The following NELFB variants were observed in gnomAD, a reference collection of about 807,000 sequenced individuals.
NELFB encodes the protein negative elongation factor complex member B.
In NELFB, 34 loss-of-function variants were observed where a neutral mutation model predicts 60.2. The observed-to-expected ratio is 0.56, with a 90% CI of 0.43 to 0.75. The LOEUF is 0.75. Among genes scored for constraint, NELFB ranks in the 30% least tolerant of loss-of-function variants. NELFB has a pLI of 0.00. For missense variants in NELFB, 770 were observed against 831.6 expected (o/e 0.93, Z 0.91); for synonymous variants, 459 against 382.1 (o/e 1.20, Z -2.35).
At chr9:137,260,451 TG>T (rs1830422822) in intron 4 of NELFB, among the ~76,000 whole-genome samples, 4 of 121,704 alleles carry the variant, frequency 3.3e-5, no homozygotes, top group South Asian at 2.9e-4. Flanking sequence ...TATTTTAGTT[TG>T]TTTTATTTTT....
rs375628909 is a variant in NELFB at position 137,257,397 on chromosome 9, C to T, written c.741+343C>T. On this transcript the variant is annotated intron_variant, in intron 4 of 12. Coordinates refer to ENST00000343053, the MANE Select transcript of NELFB (RefSeq NM_015456.5). ...AGGCTGGAGTGCAGTGGTGTGATCT[C>T]GGCTCACTGCAAGCTCCCGGGTTCA... Among the ~76,000 whole-genome samples, 12 of 152,114 alleles carry T rather than the reference C, an allele frequency of 7.9e-5. No homozygotes were observed. The East Asian group carries it at 1.7e-3, about 22-fold the overall frequency.
rs1830609164 is a variant in NELFB, at chr9:137,273,366, G to C, written c.*438G>C. 1 of 162,496 alleles carries C rather than the reference G, an allele frequency of 6.2e-6. No individual in the cohort carries two copies. The highest frequency in any genetic ancestry group is 2.4e-5 in the African/African-American group (1 of 41,716). 10.1% of individuals were successfully genotyped at this position (162,496 alleles called of 1,614,324 possible). On this transcript the variant is annotated 3_prime_UTR_variant, in exon 13 of 13. Transcript: ENST00000343053. ...CCGTGTGGGGGCAGCAGCCTGGCCT[G>C]TGCCATGGTGGGTGTCCTGGGGCCT...
At chr9:137,267,383 C>G in intron 10 of NELFB, 37 bp downstream of exon 10, 3 of 1,552,308 alleles carry the variant, frequency 1.9e-6, no homozygotes, top group Non-Finnish European at 2.6e-6. Flanking sequence ...TGTGTCTTCC[C>G]TGCGGCAGCT....
At chr9:137,263,287 T>G in intron 5 of NELFB, 65 bp downstream of exon 5, 1 of 1,407,574 alleles carries the variant, frequency 7.1e-7, no homozygotes, top group South Asian at 1.3e-5. Flanking sequence ...CCTCCCTCCT[T>G]CCCTCCCACT....
rs753890137 is a variant in NELFB at position 137,263,125 on chromosome 9, C to T, written c.830C>T (p.Thr277Met). ...TTTCTGCGCACGCTCTTCCTGCGCA[C>T]GCGGAATGTGCACTACTGCACGCTG... The change falls in exon 5 of 13, where the codon ACG becomes ATG. Residue 277 changes from threonine (T) to methionine (M), a missense_variant. Transcript: ENST00000343053. 1.2e-5 allele frequency: 20 copies of T among 1,613,946 alleles called. No individual in the cohort carries two copies. Among genetic ancestry groups the T allele is most frequent in the East Asian group, 2.2e-5 (1 of 44,898 alleles).
intron 5 of NELFB, among the ~76,000 whole-genome samples, 180 bp downstream of exon 5, chr9:137,263,402 C>G (rs1205744454): frequency 2.6e-5 from 3 of 114,016 alleles, no homozygotes; most frequent in Non-Finnish European, 3.7e-5. Context: ...CCCTCCTCCC[C>G]CTCCGCCCTC....
Position 137,272,899 on chromosome 9 carries a change from C to T in NELFB, c.1858C>T (p.Pro620Ser). The change falls in exon 13 of 13, where the codon CCC becomes TCC. Residue 620 changes from proline (P) to serine (S), a missense_variant. Physicochemically the swap from Pro to Ser is moderately conservative, Grantham distance 74. Transcript: ENST00000343053. ...GACGCCGGCCCTGGAGCTGCCCCTC[C>T]CCAGCGTGCCCGCCCCTGCCCCGCT... 6.5e-7 allele frequency: 1 copy of T among 1,543,480 alleles called. No homozygotes were observed. The highest frequency in any genetic ancestry group is 2.5e-5 in the East Asian group (1 of 40,806).
chr9:137,257,447 C>T (rs1440716151), intron 4 of NELFB, among the ~76,000 whole-genome samples: 1 of 151,714 alleles, frequency 6.6e-6, no homozygotes, highest in Non-Finnish European at 1.5e-5. Flanking sequence ...CTCAGTCTCC[C>T]GAGTAGCTGG....
chr9:137,261,339 CAAA>C (rs749817003), intron 4 of NELFB, among the ~76,000 whole-genome samples: 10 of 65,634 alleles, frequency 1.5e-4, no homozygotes, highest in Admixed American at 3.3e-4. Context: ...GACTCGGTTT[CAAA>C]AAAAAAAAAA....
Position 137,265,031 on chromosome 9 carries a change from CT to C in NELFB, c.1040+697del, listed in dbSNP as rs60479210. Among the ~76,000 whole-genome samples, 555 of 126,142 alleles carry C rather than the reference CT, an allele frequency of 4.4e-3. 3 individuals carry two copies. Among genetic ancestry groups the C allele is most frequent in the East Asian group, 0.022 (80 of 3,686 alleles). The allele number at this position is 126,142 out of a possible 152,430, so 82.8% of individuals were successfully genotyped here. On this transcript the variant is annotated intron_variant, in intron 6 of 12. Transcript: ENST00000343053. ...CCTGCCTTTGCCACTTTTTTTCTTC[CT>C]TTTTTTTTTTTTTTTTTTTTTTCTG...
At position 137,273,346 on chromosome 9, in the gene NELFB, T is replaced by G; in HGVS notation, c.*418T>G. The stretch of plus-strand genomic sequence containing the variant: ...GACCCGTGACCTCGTGGAGGCCGTG[T>G]GGGGGCAGCAGCCTGGCCTGTGCCA... On this transcript the variant is annotated 3_prime_UTR_variant, in exon 13 of 13. Coordinates refer to ENST00000343053, the MANE Select transcript of NELFB (RefSeq NM_015456.5). 1 of 166,410 alleles carries G rather than the reference T, an allele frequency of 6.0e-6. No individual in the cohort carries two copies. Among genetic ancestry groups the G allele is most frequent in the Non-Finnish European group, 1.3e-5 (1 of 76,830 alleles). 10.3% of individuals were successfully genotyped at this position (166,410 alleles called of 1,614,324 possible).
Position 137,272,915 on chromosome 9 carries a change from C to A in NELFB, c.1874C>A (p.Pro625His). ...CTGCCCCTCCCCAGCGTGCCCGCCC[C>A]TGCCCCGCTCTGAGGGCCCTCCAGA... The change falls in exon 13 of 13, where the codon CCT becomes CAT. Residue 625 changes from proline (P) to histidine (H), a missense_variant. Pro to His is a moderately conservative substitution (Grantham distance 77). Transcript: ENST00000343053. 2 of 1,532,802 alleles carry A rather than the reference C, an allele frequency of 1.3e-6. No homozygotes were observed. Among genetic ancestry groups the A allele is most frequent in the Admixed American group, 2.0e-5 (1 of 49,358 alleles). 95.0% of individuals were successfully genotyped at this position (1,532,802 alleles called of 1,614,324 possible).
chr9:137,255,703 G>A, intron 1 of NELFB, 92 bp downstream of exon 1: 2 of 1,450,054 alleles, frequency 1.4e-6, no homozygotes, highest in South Asian at 1.3e-5. Context: ...GAAGTTTTCC[G>A]GCTTTCTGCT....
intron 3 of NELFB, 77 bp downstream of exon 3, chr9:137,256,505 G>A (rs1017245494): frequency 1.5e-6 from 2 of 1,340,220 alleles, no homozygotes; most frequent in Non-Finnish European, 2.1e-6. Flanking sequence ...AAGTTCCGGT[G>A]GCCGCCTAGC....
rs370320667 is a variant in NELFB at position 137,269,903 on chromosome 9, C to T, written c.1490-2178C>T. 3.3e-5 allele frequency among the ~76,000 whole-genome samples: 5 copies of T among 152,166 alleles called. No individual in the cohort carries two copies. In the South Asian group the frequency reaches 1.0e-3, roughly 32 times the overall value. ...TTTTCAGTCACATTTGGGGAGAGCA[C>T]GCGTGTTCTTAAGTTTTTAGCGGGT... is the stretch of plus-strand genomic sequence containing the variant. On this transcript the variant is annotated intron_variant, in intron 10 of 12. Coordinates refer to ENST00000343053, the MANE Select transcript of NELFB (RefSeq NM_015456.5). The surrounding 1 kb of genome is among the most constrained non-coding windows in gnomAD (Gnocchi z 5.3).
chr9:137,263,482 C>T (rs1463404081), intron 5 of NELFB, among the ~76,000 whole-genome samples: 1 of 141,066 alleles, frequency 7.1e-6, no homozygotes, highest in African/African-American at 2.7e-5. Flanking sequence ...CCCCCTCTGC[C>T]CCTCCTGAAG....
chr9:137,261,046 A>G (rs1421516444), intron 4 of NELFB, among the ~76,000 whole-genome samples: 1 of 146,340 alleles, frequency 6.8e-6, no homozygotes, highest in Non-Finnish European at 1.5e-5. Flanking sequence ...AGTGAGACTC[A>G]GTCGCAAAAA....
At chr9:137,266,691 G>C (rs1193421699) in intron 8 of NELFB, among the ~76,000 whole-genome samples, 1 of 152,134 alleles carries the variant, frequency 6.6e-6, no homozygotes, top group African/African-American at 2.4e-5. Flanking sequence ...TGTTCTGGGG[G>C]TGTCTCCATG....
At chr9:137,265,674 GCCGCGCCCGGCCTGCC>G in intron 6 of NELFB, among the ~76,000 whole-genome samples, 187 bp from the exon 7 acceptor site, 1 of 123,548 alleles carries the variant, frequency 8.1e-6, no homozygotes, top group South Asian at 3.0e-4. Context: ...AGGCTGAGCC[GCCGCGCCCGGCCTGCC>G]AAAGTGCTGG....
Sources: allele counts gnomAD v4.1 joint callset (sites outside exome capture counted in the v4.1 genomes callset), GRCh38; gene constraint gnomAD v4.1.1; non-coding constraint Gnocchi (gnomAD v3.1); transcripts MANE v1.5; gene names NCBI Gene and HGNC (gene_info 2026-07-23, HGNC 2026-07-21).